Variants in HEMK2 observed in about 807,000 individuals in gnomAD.
HEMK2 encodes the protein HemK methyltransferase 2, ETF1 glutamine and histone H4 lysine, also known as methyltransferase HEMK2.
At chr21:28,641,826 A>C in the HEMK2 span, among the ~76,000 whole-genome samples, 1 of 152,192 alleles carries the variant, frequency 6.6e-6, no homozygotes, top group Non-Finnish European at 1.5e-5. Context: ...TCCAAAAACA[A>C]ACAGAAAGCC....
At chr21:28,758,513 G>A in the HEMK2 span, among the ~76,000 whole-genome samples, 29 of 152,302 alleles carry the variant, frequency 1.9e-4, no homozygotes, top group African/African-American at 6.3e-4. Context: ...AAGGAAATCC[G>A]TGTGGCAGTG....
At chr21:28,719,664 C>T in the HEMK2 span, among the ~76,000 whole-genome samples, 4 of 152,286 alleles carry the variant, frequency 2.6e-5, no homozygotes, top group Admixed American at 6.5e-5. Context: ...GTTCCACTCC[C>T]TGGGAGTAGG....
chr21:28,867,122 T>A, the HEMK2 span, among the ~76,000 whole-genome samples: 22 of 152,138 alleles, frequency 1.4e-4, no homozygotes, highest in African/African-American at 5.3e-4. Context: ...AAATGAAACA[T>A]AATTGTACCG....
the HEMK2 span, among the ~76,000 whole-genome samples, chr21:28,841,254 T>TTATATTTATAATATATTATATATAA: frequency 1.9e-4 from 1 of 5,148 alleles, no homozygotes; most frequent in East Asian, 0.036. Flanking sequence ...ATATAATATA[T>TTATATTTATAATATATTATATATAA]TATATATAAT....
chr21:28,832,296 T>C, the HEMK2 span, among the ~76,000 whole-genome samples: 1 of 152,202 alleles, frequency 6.6e-6, no homozygotes, highest in East Asian at 1.9e-4. Context: ...CCAAAGGTGA[T>C]ACAATCACAA....
At chr21:28,660,720 G>A in the HEMK2 span, among the ~76,000 whole-genome samples, 1 of 151,824 alleles carries the variant, frequency 6.6e-6, no homozygotes, top group African/African-American at 2.4e-5. Context: ...TTCTTCCTTT[G>A]TCTGGTTTTA....
chr21:28,765,334 A>G, the HEMK2 span, among the ~76,000 whole-genome samples: 1 of 152,152 alleles, frequency 6.6e-6, no homozygotes, highest in African/African-American at 2.4e-5. Flanking sequence ...AGAGCCAGCT[A>G]TGGTACACTC....
chr21:28,740,823 G>A, the HEMK2 span, among the ~76,000 whole-genome samples: 2 of 152,096 alleles, frequency 1.3e-5, no homozygotes, highest in South Asian at 2.1e-4. Flanking sequence ...CCAACTTCCT[G>A]GGCAGAGTGG....
the HEMK2 span, among the ~76,000 whole-genome samples, chr21:28,687,145 T>C: frequency 6.6e-6 from 1 of 152,254 alleles, no homozygotes; most frequent in Non-Finnish European, 1.5e-5. Flanking sequence ...GCTAGCATTC[T>C]ATCTGGCCAC....
the HEMK2 span, among the ~76,000 whole-genome samples, chr21:28,825,895 T>G: frequency 3.9e-5 from 6 of 152,310 alleles, no homozygotes; most frequent in South Asian, 1.2e-3. Context: ...TAGATCCACC[T>G]ACATCTCTGG....
chr21:28,787,402 G>A, the HEMK2 span, among the ~76,000 whole-genome samples: 80 of 149,830 alleles, frequency 5.3e-4, 1 homozygote, highest in Admixed American at 1.1e-3. Context: ...ACGGCAAAAG[G>A]AACAGTCAGC....
chr21:28,602,372 T>C, the HEMK2 span, among the ~76,000 whole-genome samples: 8 of 152,112 alleles, frequency 5.3e-5, no homozygotes, highest in African/African-American at 1.9e-4. Flanking sequence ...TGGGTTTCAA[T>C]GTTCATTACA....
the HEMK2 span, among the ~76,000 whole-genome samples, chr21:28,831,879 G>A: frequency 4.6e-5 from 7 of 151,970 alleles, no homozygotes; most frequent in Middle Eastern, 6.8e-3. Context: ...TTTACTATAC[G>A]TACACAAGAC....
chr21:28,751,709 T>C, the HEMK2 span, among the ~76,000 whole-genome samples: 9 of 152,254 alleles, frequency 5.9e-5, no homozygotes, highest in Admixed American at 1.3e-4. Context: ...GACAGAGTTT[T>C]GCTCTTGTTG....
chr21:28,789,025 C>T, the HEMK2 span, among the ~76,000 whole-genome samples: 61 of 152,162 alleles, frequency 4.0e-4, no homozygotes, highest in African/African-American at 1.3e-3. Context: ...CTCCCTGCAA[C>T]CCCCTAAGAG....
chr21:28,626,386 A>C, the HEMK2 span, among the ~76,000 whole-genome samples: 2 of 152,196 alleles, frequency 1.3e-5, no homozygotes, highest in Non-Finnish European at 2.9e-5. Context: ...CAATAGAGCA[A>C]ATAAAATAAA....
At chr21:28,711,256 A>G in the HEMK2 span, among the ~76,000 whole-genome samples, 1 of 152,192 alleles carries the variant, frequency 6.6e-6, no homozygotes, top group Non-Finnish European at 1.5e-5. Context: ...ATTATTGTAT[A>G]TGAGCAATAA....
chr21:28,614,266 T>A, the HEMK2 span, among the ~76,000 whole-genome samples: 34 of 152,198 alleles, frequency 2.2e-4, no homozygotes, highest in Admixed American at 5.2e-4. Context: ...ATATATATCC[T>A]TTACACTAGA....
At chr21:28,578,516 C>G in the HEMK2 span, among the ~76,000 whole-genome samples, 100,300 of 152,044 alleles carry the variant, frequency 0.66, 34,275 homozygotes, top group Non-Finnish European at 0.75. Flanking sequence ...AGGGCCACAG[C>G]GGGGTTTCAC....
Sources: allele counts gnomAD v4.1 joint callset (sites outside exome capture counted in the v4.1 genomes callset), GRCh38; gene constraint gnomAD v4.1.1; transcripts MANE v1.5; gene names NCBI Gene and HGNC (gene_info 2026-07-23, HGNC 2026-07-21).